The following MLIP variants were observed in gnomAD, a reference collection of about 807,000 sequenced individuals.
The protein encoded by MLIP is muscular LMNA-interacting protein.
MLIP carries 79 observed loss-of-function variants against 84.8 expected under a neutral mutation model. The observed-to-expected ratio is 0.93, with a 90% confidence interval of 0.78 to 1.12. The LOEUF (loss-of-function observed/expected upper bound fraction) is 1.12, where lower values mean the gene tolerates loss of function less well. Among genes scored for constraint, MLIP ranks in the 50% most tolerant of loss-of-function variants. The pLI is 0.00. For missense variants in MLIP, 1,257 were observed against 1,160.6 expected (o/e 1.08, Z -1.21); for synonymous variants, 504 against 463.0 (o/e 1.09, Z -1.14).
intron 12 of MLIP, among the ~76,000 whole-genome samples, chr6:54,252,314 C>T (rs1332952595): frequency 8.8e-6 from 1 of 113,958 alleles, no homozygotes; most frequent in South Asian, 2.5e-4. Flanking sequence ...TATAATATAA[C>T]TATAATATAT....
intron 12 of MLIP, among the ~76,000 whole-genome samples, chr6:54,245,644 G>C (rs1582612790): frequency 6.6e-6 from 1 of 152,094 alleles, no homozygotes; most frequent in Non-Finnish European, 1.5e-5. Flanking sequence ...ATAATTGCTT[G>C]TCTAACCTTC....
chr6:54,205,482 T>A (rs1289236043), intron 11 of MLIP, among the ~76,000 whole-genome samples: 1 of 152,224 alleles, frequency 6.6e-6, no homozygotes, highest in Non-Finnish European at 1.5e-5. Flanking sequence ...AATAAATTTT[T>A]CCTAGCAGCT....
At chr6:54,167,277 G>A (rs1775292042) in intron 8 of MLIP, among the ~76,000 whole-genome samples, 1 of 151,666 alleles carries the variant, frequency 6.6e-6, no homozygotes, top group Non-Finnish European at 1.5e-5. Context: ...GTCCTGTATG[G>A]TCTGGTGCCC....
At chr6:54,192,765 T>C (rs1278574240) in intron 10 of MLIP, among the ~76,000 whole-genome samples, 1 of 152,130 alleles carries the variant, frequency 6.6e-6, no homozygotes, top group East Asian at 1.9e-4. Flanking sequence ...AACAAAGTTA[T>C]TGGAAATGTA....
At chr6:54,151,077 G>T (rs996417587) in intron 5 of MLIP, among the ~76,000 whole-genome samples, 1 of 152,058 alleles carries the variant, frequency 6.6e-6, no homozygotes, top group Admixed American at 6.6e-5. Flanking sequence ...TTGTATAAGG[G>T]CTAGTGTAGG....
rs1305384094 is a variant in MLIP at position 54,190,726 on chromosome 6, T to G, written c.2589+812T>G. Among the ~76,000 whole-genome samples the G allele has an allele frequency of 2.6e-5, 4 of 152,120 alleles. No individual in the cohort carries two copies. In the South Asian group the frequency reaches 8.3e-4, roughly 31 times the overall value. ...TTTATCTTATAGAGTTTTGTATTTC[T>G]TATGCTTACAGTGGTTACCAAATTG... On this transcript the variant is annotated intron_variant, in intron 10 of 13. Transcript: ENST00000502396.
chr6:54,139,112 A>G (rs72961910), intron 4 of MLIP, among the ~76,000 whole-genome samples: 1,558 of 152,304 alleles, frequency 0.01, 33 homozygotes, highest in African/African-American at 0.035. Context: ...TATGTGTACC[A>G]CTATACTAGC....
intron 12 of MLIP, among the ~76,000 whole-genome samples, chr6:54,236,541 G>A (rs190609125): frequency 1.3e-5 from 2 of 151,332 alleles, no homozygotes; most frequent in Non-Finnish European, 2.9e-5. Context: ...GGCGGAGGTT[G>A]CAGTGAGCCG....
intron 1 of MLIP, among the ~76,000 whole-genome samples, chr6:54,115,946 A>G (rs1769878571): frequency 1.3e-5 from 2 of 152,242 alleles, no homozygotes; most frequent in Admixed American, 6.5e-5. Context: ...TGAAAATAAG[A>G]TACAGATATG....
At chr6:54,132,809 G>A (rs543217450) in intron 3 of MLIP, among the ~76,000 whole-genome samples, 2 of 152,286 alleles carry the variant, frequency 1.3e-5, no homozygotes, top group Admixed American at 6.5e-5. Context: ...CTTCTGCAGG[G>A]GAATTCAGTG....
intron 1 of MLIP, among the ~76,000 whole-genome samples, chr6:54,035,572 T>C (rs778394084): frequency 6.6e-6 from 1 of 152,138 alleles, no homozygotes; most frequent in Non-Finnish European, 1.5e-5. Context: ...TGTACCATTT[T>C]ACATTCCTAT....
At chr6:54,254,258 C>T (rs550251184) in intron 12 of MLIP, among the ~76,000 whole-genome samples, 7 of 151,600 alleles carry the variant, frequency 4.6e-5, no homozygotes, top group Non-Finnish European at 8.8e-5. Flanking sequence ...TCCTGAGTAG[C>T]TGGGACTGCA....
chr6:54,024,783 A>C (rs10080737), intron 1 of MLIP, among the ~76,000 whole-genome samples: 27,172 of 152,156 alleles, frequency 0.18, 2,880 homozygotes, highest in South Asian at 0.29. Flanking sequence ...GAATGTCTTA[A>C]CAATGGGAAT....
intron 2 of MLIP, among the ~76,000 whole-genome samples, chr6:54,123,816 G>A (rs1297507546): frequency 6.6e-6 from 1 of 152,204 alleles, no homozygotes; most frequent in Non-Finnish European, 1.5e-5. Flanking sequence ...GCTTGATAAA[G>A]CTATCTTGAT....
intron 1 of MLIP, among the ~76,000 whole-genome samples, chr6:54,106,084 C>A (rs1377790393): frequency 6.6e-6 from 1 of 152,090 alleles, no homozygotes; most frequent in African/African-American, 2.4e-5. Flanking sequence ...TTAGGGAGTG[C>A]TCCCAGGAGC....
chr6:54,222,430 A>G (rs1235472408), intron 11 of MLIP, among the ~76,000 whole-genome samples: 1 of 151,850 alleles, frequency 6.6e-6, no homozygotes, highest in African/African-American at 2.4e-5. Flanking sequence ...TATGAGTTTG[A>G]CTATTTTGGA....
Position 54,186,165 on chromosome 6 carries a change from C to A in MLIP, c.2545-3705C>A, listed in dbSNP as rs535711752. On this transcript the variant is annotated intron_variant, in intron 9 of 13. Transcript: ENST00000502396. ...CTATATACTTGGTGATAACATGGAA[C>A]CATGAGGCTTTCAGTTTTCAGTTAT... Among the ~76,000 whole-genome samples the A allele has an allele frequency of 5.9e-5, 9 of 152,270 alleles. No homozygotes were observed. The East Asian group carries it at 1.3e-3, about 23-fold the overall frequency.
At chr6:54,178,667 A>T (rs62397383) in intron 9 of MLIP, among the ~76,000 whole-genome samples, 15,894 of 152,158 alleles carry the variant, frequency 0.1, 1,011 homozygotes, top group Non-Finnish European at 0.15. Context: ...ATTCAGGAGC[A>T]TATTGTTTAA....
Position 54,071,061 on chromosome 6 carries a change from C to A in MLIP, c.64-50386C>A, listed in dbSNP as rs1474759613. Among the ~76,000 whole-genome samples, 8 of 152,218 alleles carry A rather than the reference C, an allele frequency of 5.3e-5. No homozygotes were observed. The Middle Eastern group carries it at 0.014, about 259-fold the overall frequency. On this transcript the variant is annotated intron_variant, in intron 1 of 12. Transcript: ENST00000274897. Reference sequence around the variant, plus strand: ...ATGAATACTTTAGATAGAGTTAAGACCCACGTCTATATAATGTAGGTGACT... The same window carrying A: ...ATGAATACTTTAGATAGAGTTAAGAACCACGTCTATATAATGTAGGTGACT...
Sources: gnomAD v4.1 joint callset for allele counts (sites outside exome capture counted in the v4.1 genomes callset) on GRCh38, gnomAD v4.1.1 for gene constraint, MANE v1.5 for transcripts, NCBI Gene and HGNC (gene_info 2026-07-23, HGNC 2026-07-21) for gene names.